The following PSORS1C1 variants were observed in gnomAD, a reference collection of about 807,000 sequenced individuals.
PSORS1C1 encodes psoriasis susceptibility 1 candidate 1, also known as psoriasis susceptibility 1 candidate gene 1 protein.
Under a neutral mutation model 9.4 loss-of-function variants are expected in PSORS1C1, and 7 were observed. The ratio of observed to expected loss-of-function variants is 0.75; its 90% CI spans 0.42 to 1.40. The LOEUF (loss-of-function observed/expected upper bound fraction) is 1.40, where lower values mean the gene tolerates loss of function less well. Ranked by LOEUF, PSORS1C1 falls within the 40% of genes most tolerant of loss-of-function variation. The pLI, the probability that PSORS1C1 is intolerant of heterozygous loss-of-function variation, is 0.01. For missense variants in PSORS1C1, 146 were observed against 178.1 expected (o/e 0.82, Z 1.02); for synonymous variants, 63 against 69.4 (o/e 0.91, Z 0.46).
rs1772187584 is a variant in PSORS1C1, at chr6:31,117,138, G to A, written c.-229+2247G>A. On this transcript the variant is annotated intron_variant, in intron 1 of 5. Coordinates refer to ENST00000259881, the MANE Select transcript of PSORS1C1 (RefSeq NM_014068.3). ...AGCTGCTGCTGCTGAACTGAAAGCT[G>A]CTGCTGCTGCTCGAATGAGAGCTGC... 6.2e-7 allele frequency: 1 copy of A among 1,610,966 alleles called. No homozygotes were observed. The highest frequency in any genetic ancestry group is 8.5e-7 in the Non-Finnish European group (1 of 1,178,396).
intron 2 of PSORS1C1, 94 bp from the exon 3 acceptor site, chr6:31,129,475 G>A (rs1414419586): frequency 3.0e-6 from 2 of 675,006 alleles, no homozygotes; most frequent in Non-Finnish European, 2.7e-6. Flanking sequence ...GCCTGTTTGA[G>A]TGCCAAAATC....
intron 3 of PSORS1C1, among the ~76,000 whole-genome samples, chr6:31,137,189 G>A (rs1381124603): frequency 6.6e-6 from 1 of 150,868 alleles, no homozygotes; most frequent in Non-Finnish European, 1.5e-5. Flanking sequence ...GGGCGCTGTG[G>A]CTCACGCGTG....
At chr6:31,134,488 GT>G (rs1375679587) in intron 3 of PSORS1C1, among the ~76,000 whole-genome samples, 1 of 151,914 alleles carries the variant, frequency 6.6e-6, no homozygotes, top group African/African-American at 2.4e-5. Context: ...GTATTTTTTA[GT>G]AGAGACTGGG....
chr6:31,132,492 A>G (rs1306227516), intron 3 of PSORS1C1, among the ~76,000 whole-genome samples: 1 of 145,030 alleles, frequency 6.9e-6, no homozygotes, highest in Non-Finnish European at 1.5e-5. Context: ...ACTGCATTCC[A>G]GTCTGGGCAA....
chr6:31,138,195 C>G, intron 3 of PSORS1C1: 1 of 1,577,120 alleles, frequency 6.3e-7, no homozygotes, highest in Non-Finnish European at 8.6e-7. Flanking sequence ...AGGGGGTGCC[C>G]CTGGCCAAGG....
intron 3 of PSORS1C1, chr6:31,138,075 C>T (rs760938281): frequency 1.9e-6 from 3 of 1,566,454 alleles, no homozygotes; most frequent in Admixed American, 1.9e-5. Context: ...GTCGTCAGGC[C>T]GGGGAGGTTG....
intron 3 of PSORS1C1, 31 bp downstream of exon 3, chr6:31,129,676 T>C (rs3130560): frequency 1.3e-6 from 1 of 779,418 alleles, no homozygotes; most frequent in East Asian, 2.4e-5. Context: ...TTGGTTCCTC[T>C]TCTGTGAAAT....
At chr6:31,126,721 A>G (rs1043841667) in intron 2 of PSORS1C1, among the ~76,000 whole-genome samples, 2 of 152,158 alleles carry the variant, frequency 1.3e-5, no homozygotes, top group African/African-American at 4.8e-5. Flanking sequence ...TTGGCCACTG[A>G]ATCCTGAAAG....
rs188146206 is a variant in PSORS1C1 at position 31,126,070 on chromosome 6, G to A, written c.-65+231G>A. 2.1e-4 allele frequency among the ~76,000 whole-genome samples: 32 copies of A among 152,174 alleles called. No individual in the cohort carries two copies. In the East Asian group the frequency reaches 5.2e-3, roughly 25 times the overall value. On this transcript the variant is annotated intron_variant, in intron 2 of 5. Coordinates refer to ENST00000259881, the MANE Select transcript of PSORS1C1 (RefSeq NM_014068.3). ...GGAGGGATTCACTGATGGCCTTGGC[G>A]GAGGTGGCAGTGGGCATGTGCACTT...
Position 31,140,080 on chromosome 6 carries a change from CCTT to C in PSORS1C1, c.*149_*151del. ...GTCCGCTACCCCACAGTAAGGAACACCTTATTATGCAATGGCGTGATCTCATCT... is the reference window on the plus strand; with the variant it reads ...GTCCGCTACCCCACAGTAAGGAACACATTATGCAATGGCGTGATCTCATCT... On this transcript the variant is annotated 3_prime_UTR_variant, in exon 6 of 6. Coordinates refer to ENST00000259881, the MANE Select transcript of PSORS1C1 (RefSeq NM_014068.3). This position sits in a 1 kb window ranked among gnomAD's most constrained non-coding sequence, Gnocchi z 4.6. The C allele has an allele frequency of 1.4e-6, 1 of 728,188 alleles. No homozygotes were observed. The allele number at this position is 728,188 out of a possible 1,614,324, so 45.1% of individuals were successfully genotyped here. A position where few individuals can be genotyped will look rare whatever the true frequency, so the allele number is the denominator to read the frequency against.
At chr6:31,117,339 G>A (rs777038694) in intron 1 of PSORS1C1, 18 of 1,578,374 alleles carry the variant, frequency 1.1e-5, no homozygotes, top group Middle Eastern at 1.7e-4. Context: ...TGGATCCGCT[G>A]GAGCTACCAC....
Position 31,139,412 on chromosome 6 carries a change from G to A in PSORS1C1, c.168-229G>A, listed in dbSNP as rs567055895. The A allele has an allele frequency of 1.5e-5, 9 of 594,598 alleles. No homozygotes were observed. Among genetic ancestry groups the A allele is most frequent in the East Asian group, 2.8e-5 (1 of 36,132 alleles). The allele number at this position is 594,598 out of a possible 1,614,324, so 36.8% of individuals were successfully genotyped here. On this transcript the variant is annotated intron_variant, in intron 5 of 5. Coordinates refer to ENST00000259881, the MANE Select transcript of PSORS1C1 (RefSeq NM_014068.3). This position sits in a 1 kb window ranked among gnomAD's most constrained non-coding sequence, Gnocchi z 5.2. ...GCCAAAGAATGGGAGCAAACCACGC[G>A]ATGGGCGTTGGGAAGCACCGTAATT...
rs1201639867 is a variant in PSORS1C1 at position 31,139,702 on chromosome 6, G to T, written c.229G>T (p.Asp77Tyr). Reference protein sequence around the residue: ...KEFHLAATQDDCRKGRTQEDI... With the variant: ...KEFHLAATQDYCRKGRTQEDI... ...ATTCCATCTGGCAGCCACCCAGGATGACTGCAGAAAAGGAAGGACACAGGA... is the reference window on the plus strand; with the variant it reads ...ATTCCATCTGGCAGCCACCCAGGATTACTGCAGAAAAGGAAGGACACAGGA... The change falls in exon 6 of 6, where the codon GAC becomes TAC. Residue 77 changes from aspartate to tyrosine, a missense_variant. Coordinates refer to ENST00000259881, the MANE Select transcript of PSORS1C1 (RefSeq NM_014068.3). The surrounding 1 kb of genome is among the most constrained non-coding windows in gnomAD (Gnocchi z 5.2). The T allele has an allele frequency of 6.2e-7, 1 of 1,613,064 alleles. No individual in the cohort carries two copies. Among genetic ancestry groups the T allele is most frequent in the South Asian group, 1.1e-5 (1 of 91,090 alleles).
At chr6:31,126,859 C>G (rs3130556) in intron 2 of PSORS1C1, among the ~76,000 whole-genome samples, 7 of 152,048 alleles carry the variant, frequency 4.6e-5, no homozygotes, top group Non-Finnish European at 1.0e-4. Context: ...GCTCCCTGGC[C>G]GAAGCCTTCC....
rs201665595 is a variant in PSORS1C1, at chr6:31,118,837, C to CTTTTTTTTTTTTTTTTTTTTTT, written c.-229+3948_-229+3949insTTTTTTTTTTTTTTTTTTTTTT. 1.5e-4 allele frequency: 14 copies of CTTTTTTTTTTTTTTTTTTTTTT among 92,456 alleles called. 5 individuals carry two copies. Among genetic ancestry groups the CTTTTTTTTTTTTTTTTTTTTTT allele is most frequent in the African/African-American group, 3.6e-4 (8 of 22,024 alleles). 5.7% of individuals were successfully genotyped at this position (92,456 alleles called of 1,614,324 possible). A position where few individuals can be genotyped will look rare whatever the true frequency, so the allele number is the denominator to read the frequency against. ...ATCATCCACCTGGAAGTTTTTTCTT[C>CTTTTTTTTTTTTTTTTTTTTTT]TTCTTCTTTTTTTTTTTTTTTTTTG... On this transcript the variant is annotated intron_variant, in intron 1 of 5. Transcript: ENST00000259881.
chr6:31,138,114 A>T (rs2233952), intron 3 of PSORS1C1: 124 of 1,603,962 alleles, frequency 7.7e-5, no homozygotes, highest in Non-Finnish European at 1.0e-4. Flanking sequence ...CGGTTCAGGG[A>T]GCCAGACTCC....
chr6:31,138,077 GGGA>G (rs1355320615), intron 3 of PSORS1C1: 12 of 1,568,772 alleles, frequency 7.6e-6, no homozygotes, highest in Non-Finnish European at 1.0e-5. Context: ...CGTCAGGCCG[GGGA>G]GGTTGAGGAG....
chr6:31,117,714 G>A lies in PSORS1C1; in HGVS notation c.-229+2823G>A. On this transcript the variant is annotated intron_variant, in intron 1 of 5. Transcript: ENST00000259881. ...AAGGATATTGAGGTGGCCGAATAAA[G>A]GCATTTCTTTGTTTGGGAAGGGTGG... 3 of 615,996 alleles carry A rather than the reference G, an allele frequency of 4.9e-6. No individual in the cohort carries two copies. In the South Asian group the frequency reaches 5.8e-5, roughly 12 times the overall value. The allele number at this position is 615,996 out of a possible 1,614,324, so 38.2% of individuals were successfully genotyped here. A position where few individuals can be genotyped will look rare whatever the true frequency, so the allele number is the denominator to read the frequency against.
chr6:31,134,297 G>T (rs1773045064), intron 3 of PSORS1C1, among the ~76,000 whole-genome samples: 3 of 148,008 alleles, frequency 2.0e-5, no homozygotes. Flanking sequence ...GTAGTTTTTT[G>T]GTTTTTTATT....
Sources: gnomAD v4.1 joint callset for allele counts (sites outside exome capture counted in the v4.1 genomes callset) on GRCh38, gnomAD v4.1.1 for gene constraint, Gnocchi (gnomAD v3.1) non-coding constraint, MANE v1.5 for transcripts, NCBI Gene and HGNC (gene_info 2026-07-23, HGNC 2026-07-21) for gene names.